KIF26B: variants seen among roughly 807,000 people sequenced by gnomAD.
The protein encoded by KIF26B is kinesin-like protein KIF26B.
Under a neutral mutation model 151.2 loss-of-function variants are expected in KIF26B, and 63 were observed. That is an observed-to-expected ratio of 0.42 (90% confidence interval 0.34 to 0.51). The LOEUF is 0.51. Among genes scored for constraint, KIF26B ranks in the 20% least tolerant of loss-of-function variants. The pLI, the probability that KIF26B is intolerant of heterozygous loss-of-function variation, is 0.07. For synonymous variants in KIF26B, 1,357 were observed against 1,262.1 expected (o/e 1.08, Z -1.59); for missense variants, 2,813 against 2,913.6 (o/e 0.97, Z 0.79).
At chr1:245,607,070 A>C (rs1353098443) in intron 6 of KIF26B, among the ~76,000 whole-genome samples, 1 of 147,998 alleles carries the variant, frequency 6.8e-6, no homozygotes, top group Non-Finnish European at 1.5e-5. Flanking sequence ...CCGTCTCAAA[A>C]AAAAAAAAAA....
chr1:245,391,225 T>C (rs1572038566), intron 3 of KIF26B, among the ~76,000 whole-genome samples: 2 of 152,290 alleles, frequency 1.3e-5, no homozygotes, highest in East Asian at 1.9e-4. Context: ...GGTAGCCTAA[T>C]TGATTTTAGT....
intron 2 of KIF26B, among the ~76,000 whole-genome samples, chr1:245,296,280 T>C (rs1284448524): frequency 6.6e-6 from 1 of 151,888 alleles, no homozygotes; most frequent in South Asian, 2.1e-4. Flanking sequence ...AAGTGACTAA[T>C]ATCTGTGTTA....
At chr1:245,328,131 T>G (rs1159241400) in intron 2 of KIF26B, among the ~76,000 whole-genome samples, 1 of 149,774 alleles carries the variant, frequency 6.7e-6, no homozygotes, top group Admixed American at 6.6e-5. Context: ...TGGTAGGCTG[T>G]GTTTCTGTGT....
At chr1:245,189,316 G>C (rs1372173794) in intron 2 of KIF26B, among the ~76,000 whole-genome samples, 2 of 152,174 alleles carry the variant, frequency 1.3e-5, no homozygotes, top group Non-Finnish European at 2.9e-5. Context: ...TCCAGGTCTG[G>C]AAAGTGAACT....
intron 5 of KIF26B, among the ~76,000 whole-genome samples, chr1:245,565,435 T>C (rs1353999606): frequency 6.6e-6 from 1 of 152,028 alleles, no homozygotes; most frequent in Non-Finnish European, 1.5e-5. Flanking sequence ...ACTACAGGCG[T>C]GCACCACCAC....
chr1:245,473,887 A>G (rs1185343065), intron 4 of KIF26B, among the ~76,000 whole-genome samples: 2 of 151,726 alleles, frequency 1.3e-5, no homozygotes, highest in East Asian at 3.9e-4. Context: ...CGGTTTTTTT[A>G]TTGATACATA....
intron 3 of KIF26B, among the ~76,000 whole-genome samples, chr1:245,403,936 G>T (rs1422305809): frequency 6.6e-6 from 1 of 152,150 alleles, no homozygotes; most frequent in African/African-American, 2.4e-5. Context: ...TTCTCAATTT[G>T]TATCAAAAAT....
chr1:245,338,058 T>G (rs890363807), intron 2 of KIF26B, among the ~76,000 whole-genome samples: 13 of 152,188 alleles, frequency 8.5e-5, no homozygotes, highest in African/African-American at 3.1e-4. Flanking sequence ...GGCAAACAAC[T>G]TTTTGCACTT....
chr1:245,319,645 A>G (rs1671846109), intron 2 of KIF26B, among the ~76,000 whole-genome samples: 1 of 152,142 alleles, frequency 6.6e-6, no homozygotes, highest in Admixed American at 6.5e-5. Context: ...TCCTTCTTGG[A>G]AAAATGTCTC....
rs750927365 is a variant in KIF26B, at chr1:245,503,139, G to A, written c.1167-37628G>A. 7.2e-4 allele frequency among the ~76,000 whole-genome samples: 110 copies of A among 152,198 alleles called. 1 individual carries two copies. The highest frequency in any genetic ancestry group is 3.4e-3 in the Middle Eastern group (1 of 294). ...CCTCCCAAAGTGCTGGGATTACAGCGTGAGCCACCGCACCCGGCCATGGTG... is the reference window on the plus strand; with the variant it reads ...CCTCCCAAAGTGCTGGGATTACAGCATGAGCCACCGCACCCGGCCATGGTG... On this transcript the variant is annotated intron_variant, in intron 4 of 14. Transcript: ENST00000407071.
At chr1:245,701,482 T>TTAAC (rs2044771456) in intron 14 of KIF26B, among the ~76,000 whole-genome samples, 1 of 152,174 alleles carries the variant, frequency 6.6e-6, no homozygotes, top group South Asian at 2.1e-4. Context: ...CTAGTCCTGG[T>TTAAC]TAACTGTGTC....
chr1:245,226,379 A>T (rs1329778451), intron 2 of KIF26B, among the ~76,000 whole-genome samples: 4 of 152,096 alleles, frequency 2.6e-5, no homozygotes, highest in Non-Finnish European at 5.9e-5. Context: ...CCCACCATCA[A>T]GGCATGAGGT....
At chr1:245,582,867 G>A (rs780871967) in intron 5 of KIF26B, among the ~76,000 whole-genome samples, 6 of 152,120 alleles carry the variant, frequency 3.9e-5, no homozygotes, top group African/African-American at 7.2e-5. Flanking sequence ...CTGCAGATGC[G>A]TGCTGAATTT....
intron 10 of KIF26B, among the ~76,000 whole-genome samples, chr1:245,675,388 C>A (rs894761043): frequency 6.6e-6 from 1 of 152,208 alleles, no homozygotes; most frequent in Non-Finnish European, 1.5e-5. Flanking sequence ...TCTCTTGCAA[C>A]CAGCTTGGAC....
chr1:245,503,946 T>G (rs1275570451), intron 4 of KIF26B, among the ~76,000 whole-genome samples: 1 of 152,202 alleles, frequency 6.6e-6, no homozygotes, highest in African/African-American at 2.4e-5. Context: ...TAGAAGATTG[T>G]TCTCTCCTGA....
At chr1:245,324,095 G>C (rs12741608) in intron 2 of KIF26B, among the ~76,000 whole-genome samples, 2 of 136,892 alleles carry the variant, frequency 1.5e-5, no homozygotes, top group Non-Finnish European at 3.2e-5. Flanking sequence ...CCCTGCCATG[G>C]GTGGTGAGAG....
At chr1:245,217,363 ATTTT>A (rs10533175) in intron 2 of KIF26B, among the ~76,000 whole-genome samples, 23 of 116,006 alleles carry the variant, frequency 2.0e-4, no homozygotes, top group Admixed American at 3.6e-4. Context: ...TTATTTGTTA[ATTTT>A]TTTTTTTTTT....
At chr1:245,382,441 C>T (rs1364328219) in intron 3 of KIF26B, among the ~76,000 whole-genome samples, 2 of 152,134 alleles carry the variant, frequency 1.3e-5, no homozygotes, top group Non-Finnish European at 2.9e-5. Context: ...CCTAGTATAG[C>T]ATCTATGGCC....
At chr1:245,521,655 T>C (rs1226572364) in intron 4 of KIF26B, among the ~76,000 whole-genome samples, 1 of 152,130 alleles carries the variant, frequency 6.6e-6, no homozygotes, top group Middle Eastern at 3.2e-3. Flanking sequence ...TTCAGTGGTG[T>C]CAGTGATTTT....
Sources: gnomAD v4.1 joint callset for allele counts (sites outside exome capture counted in the v4.1 genomes callset) on GRCh38, gnomAD v4.1.1 for gene constraint, MANE v1.5 for transcripts, NCBI Gene and HGNC (gene_info 2026-07-23, HGNC 2026-07-21) for gene names.